The following DNAH5 variants were observed in gnomAD, a reference collection of about 807,000 sequenced individuals.
DNAH5 encodes the protein dynein axonemal heavy chain 5, also known as axonemal beta dynein heavy chain 5.
In DNAH5, 372 loss-of-function variants were observed where a neutral mutation model predicts 518.2. The ratio of observed to expected loss-of-function variants is 0.72; its 90% confidence interval spans 0.66 to 0.78. The LOEUF is 0.78. DNAH5 is among the 30% of genes least tolerant of loss of function. The pLI, the probability that DNAH5 is intolerant of heterozygous loss-of-function variation, is 0.00. For missense variants in DNAH5, 5,523 were observed against 5,687.0 expected (o/e 0.97, Z 0.93); for synonymous variants, 2,039 against 2,025.9 (o/e 1.01, Z -0.17).
intron 1 of DNAH5, among the ~76,000 whole-genome samples, chr5:13,957,099 C>T (rs1283060258): frequency 6.6e-6 from 1 of 152,140 alleles, no homozygotes; most frequent in South Asian, 2.1e-4. Context: ...ATCTCATGCC[C>T]TATAAAACCT....
At chr5:13,868,023 G>A in intron 24 of DNAH5, 31 bp from the exon 25 acceptor site, 1 of 1,548,580 alleles carries the variant, frequency 6.5e-7, no homozygotes, top group Non-Finnish European at 8.9e-7. Context: ...CTTAATTTTG[G>A]CCAGTCAGAT....
chr5:13,736,540 G>A (rs1004603669), intron 66 of DNAH5, among the ~76,000 whole-genome samples: 1 of 151,558 alleles, frequency 6.6e-6, no homozygotes, highest in Non-Finnish European at 1.5e-5. Flanking sequence ...GATTACAGGC[G>A]CCCACCACCA....
chr5:13,714,326 C>A, intron 75 of DNAH5, 79 bp downstream of exon 75: 1 of 1,382,138 alleles, frequency 7.2e-7, no homozygotes, highest in South Asian at 1.2e-5. Context: ...CATTTTTTGC[C>A]CTCCTTTCTT....
chr5:13,727,073 G>A (rs535879161), intron 70 of DNAH5, among the ~76,000 whole-genome samples: 3 of 152,240 alleles, frequency 2.0e-5, no homozygotes, highest in East Asian at 1.9e-4. Context: ...AAATGACTAC[G>A]GTTTGGGCAC....
intron 31 of DNAH5, among the ~76,000 whole-genome samples, chr5:13,845,414 T>C (rs1375142563): frequency 6.6e-6 from 1 of 152,020 alleles, no homozygotes; most frequent in Non-Finnish European, 1.5e-5. Context: ...CTGTGCCATC[T>C]AAAAGCTCCC....
At chr5:13,909,573 C>T (rs994081883) in intron 12 of DNAH5, among the ~76,000 whole-genome samples, 2 of 152,132 alleles carry the variant, frequency 1.3e-5, no homozygotes, top group African/African-American at 2.4e-5. Flanking sequence ...TCAGATTCTA[C>T]GTAATGTTTT....
intron 1 of DNAH5, among the ~76,000 whole-genome samples, chr5:13,938,795 T>C (rs1288489692): frequency 6.6e-6 from 1 of 152,180 alleles, no homozygotes; most frequent in African/African-American, 2.4e-5. Context: ...ATTGATCACT[T>C]GATGAGAACA....
At chr5:13,794,112 T>C in intron 47 of DNAH5, 54 bp from the exon 48 acceptor site, 3 of 1,611,602 alleles carry the variant, frequency 1.9e-6, no homozygotes, top group Non-Finnish European at 2.5e-6. Context: ...TAAAACCTGG[T>C]CAATTATTTT....
chr5:13,922,936 G>T (rs1211217587), intron 4 of DNAH5, among the ~76,000 whole-genome samples: 1 of 151,486 alleles, frequency 6.6e-6, no homozygotes, highest in South Asian at 2.1e-4. Flanking sequence ...AAAAAAAAAA[G>T]TTATATATCC....
chr5:13,944,334 A>T lies in DNAH5; in HGVS notation c.57+48T>A, dbSNP rs541300734. ...TGTTTTTTCCACCCAGGTGTGACAG[A>T]TGATAATCCAAAACACACATGCAAA... On this transcript the variant is annotated intron_variant, in intron 1 of 78. Coordinates refer to ENST00000265104, the MANE Select transcript of DNAH5 (RefSeq NM_001369.3). The T allele has an allele frequency of 1.9e-6, 3 of 1,585,032 alleles. No homozygotes were observed. In the South Asian group the frequency reaches 3.3e-5, roughly 18 times the overall value.
chr5:13,892,315 T>A (rs1302429919), intron 16 of DNAH5, among the ~76,000 whole-genome samples: 1 of 152,222 alleles, frequency 6.6e-6, no homozygotes, highest in South Asian at 2.1e-4. Context: ...GATGTCCACA[T>A]CCTAATCTCC....
intron 1 of DNAH5, among the ~76,000 whole-genome samples, chr5:13,966,409 C>T (rs114750737): frequency 0.023 from 3,489 of 152,296 alleles, 78 homozygotes; most frequent in Non-Finnish European, 0.035. Flanking sequence ...AATGGTAGTT[C>T]TACTTTTAGT....
intron 70 of DNAH5, 23 bp downstream of exon 70, chr5:13,727,484 T>A (rs990147185): frequency 2.6e-5 from 41 of 1,591,500 alleles, no homozygotes; most frequent in Non-Finnish European, 3.4e-5. Context: ...CTCTCATTTT[T>A]CTCTTTAATA....
At chr5:13,927,346 G>T (rs1285800687) in intron 3 of DNAH5, among the ~76,000 whole-genome samples, 1 of 151,944 alleles carries the variant, frequency 6.6e-6, no homozygotes, top group Non-Finnish European at 1.5e-5. Flanking sequence ...ACAAAAATTA[G>T]TTGGGCGTGG....
At chr5:13,760,995 GCTAGATA>G (rs1420266163) in intron 60 of DNAH5, among the ~76,000 whole-genome samples, 1 of 152,196 alleles carries the variant, frequency 6.6e-6, no homozygotes, top group Non-Finnish European at 1.5e-5. Flanking sequence ...GGTCCAAGAT[GCTAGATA>G]CTTGTAAGAA....
At chr5:13,857,238 A>T (rs1767758708) in intron 30 of DNAH5, among the ~76,000 whole-genome samples, 1 of 152,206 alleles carries the variant, frequency 6.6e-6, no homozygotes, top group Non-Finnish European at 1.5e-5. Flanking sequence ...AGAGAGCCAA[A>T]TCGTTAGTGA....
intron 34 of DNAH5, 125 bp from the exon 35 acceptor site, chr5:13,839,653 C>T (rs1463200976): frequency 7.4e-6 from 6 of 811,854 alleles, no homozygotes; most frequent in Non-Finnish European, 1.2e-5. Flanking sequence ...AACTATTTCA[C>T]AGGTGTCAAC....
chr5:14,002,285 A>G (rs1265070670), intron 1 of DNAH5, among the ~76,000 whole-genome samples: 2 of 152,242 alleles, frequency 1.3e-5, no homozygotes, highest in Non-Finnish European at 2.9e-5. Context: ...AATGAAGTGC[A>G]TATGTGTATC....
intron 1 of DNAH5, among the ~76,000 whole-genome samples, chr5:13,993,789 T>C (rs1232324879): frequency 3.3e-5 from 5 of 152,214 alleles, no homozygotes; most frequent in Admixed American, 6.5e-5. Flanking sequence ...TGTAATGTGC[T>C]GGCTTCTTGA....
Sources: gnomAD v4.1 joint callset for allele counts (sites outside exome capture counted in the v4.1 genomes callset) on GRCh38, gnomAD v4.1.1 for gene constraint, MANE v1.5 for transcripts, NCBI Gene and HGNC (gene_info 2026-07-23, HGNC 2026-07-21) for gene names.